The following EIF3A variants were observed in gnomAD, a reference collection of about 807,000 sequenced individuals.
EIF3A encodes EIF3, p180 subunit.
A neutral mutation model predicts 186.6 loss-of-function variants in EIF3A; 21 were observed. That is an observed-to-expected ratio of 0.11 (90% CI 0.08 to 0.16). EIF3A has a LOEUF of 0.16. Among genes scored for constraint, EIF3A ranks in the 10% least tolerant of loss-of-function variants. EIF3A has a pLI of 1.00. For missense variants in EIF3A, 1,306 were observed against 1,796.3 expected (o/e 0.73, Z 4.93); for synonymous variants, 563 against 584.3 (o/e 0.96, Z 0.52).
intron 1 of EIF3A, 83 bp from the exon 2 acceptor site, chr10:119,074,020 TC>T (rs1844118155): frequency 7.5e-6 from 9 of 1,202,434 alleles, no homozygotes; most frequent in Non-Finnish European, 1.0e-5. Flanking sequence ...CTATTTCAAT[TC>T]CCCAACTCAT....
intron 4 of EIF3A, among the ~76,000 whole-genome samples, chr10:119,072,427 A>AT (rs1844091186): frequency 9.0e-6 from 1 of 110,658 alleles, no homozygotes; most frequent in African/African-American, 3.0e-5. Context: ...TTACTCAGTC[A>AT]TTTTGGTTTT....
At chr10:119,052,411 G>A (rs1848371487) in intron 14 of EIF3A, among the ~76,000 whole-genome samples, 1 of 64,404 alleles carries the variant, frequency 1.6e-5, no homozygotes, top group South Asian at 4.1e-4. Context: ...TTAAGACAGG[G>A]TCTGTCTCTG....
At chr10:119,049,115 TCC>T (rs1267549461) in intron 17 of EIF3A, among the ~76,000 whole-genome samples, 1 of 151,950 alleles carries the variant, frequency 6.6e-6, no homozygotes, top group African/African-American at 2.4e-5. Flanking sequence ...GTATAATTCT[TCC>T]CCCCTTAGGT....
intron 6 of EIF3A, among the ~76,000 whole-genome samples, chr10:119,067,200 G>A (rs1843995168): frequency 2.0e-5 from 3 of 150,262 alleles, no homozygotes; most frequent in African/African-American, 7.4e-5. Flanking sequence ...TGGGCAACAA[G>A]AGCAAAATTC....
At chr10:119,056,616 C>G in intron 14 of EIF3A, 124 bp downstream of exon 14, 2 of 658,380 alleles carry the variant, frequency 3.0e-6, no homozygotes, top group South Asian at 4.0e-5. Flanking sequence ...TGTTCATAGG[C>G]AGCCATTAGA....
intron 12 of EIF3A, 112 bp downstream of exon 12, chr10:119,057,844 A>G: frequency 1.2e-6 from 1 of 804,542 alleles, no homozygotes; most frequent in Admixed American, 2.4e-5. Context: ...GACCAGCTGT[A>G]CCAAAATGCA....
Position 119,052,813 on chromosome 10 carries a change from G to C in EIF3A, c.2197-1492C>G, listed in dbSNP as rs76036590. On this transcript the variant is annotated intron_variant, in intron 14 of 21. Coordinates refer to ENST00000369144, the MANE Select transcript of EIF3A (RefSeq NM_003750.4). ...AAACTCTTTCTAATGCTGATATTTT[G>C]ACCTCCTCCCACGAATCACAAATGG... is the stretch of plus-strand genomic sequence containing the variant. Among the ~76,000 whole-genome samples, 1,181 of 152,170 alleles carry C rather than the reference G, an allele frequency of 7.8e-3. 21 individuals carry two copies. The highest frequency in any genetic ancestry group is 0.027 in the African/African-American group (1,138 of 41,524).
chr10:119,068,678 A>C (rs901170399), intron 6 of EIF3A, among the ~76,000 whole-genome samples: 1 of 151,312 alleles, frequency 6.6e-6, no homozygotes, highest in Non-Finnish European at 1.5e-5. Flanking sequence ...GAAAAAATAA[A>C]ATAAAATAAA....
intron 3 of EIF3A, 118 bp from the exon 4 acceptor site, chr10:119,073,171 A>G (rs562356521): frequency 6.6e-6 from 6 of 915,262 alleles, no homozygotes; most frequent in African/African-American, 1.7e-5. Flanking sequence ...ATATGTACAC[A>G]CTGCAAAGGT....
chr10:119,044,633 G>A (rs1848257767), intron 17 of EIF3A, among the ~76,000 whole-genome samples: 1 of 152,186 alleles, frequency 6.6e-6, no homozygotes, highest in Admixed American at 6.5e-5. Flanking sequence ...TGGATCACGA[G>A]GTCAGGAGAT....
chr10:119,061,418 T>C (rs1397890799), intron 7 of EIF3A, 90 bp from the exon 8 acceptor site: 1 of 559,002 alleles, frequency 1.8e-6, no homozygotes, highest in Non-Finnish European at 3.2e-6. Context: ...ATTGGAAATC[T>C]GGAAAATGAT....
intron 7 of EIF3A, among the ~76,000 whole-genome samples, chr10:119,064,218 T>C (rs1413666752): frequency 6.6e-6 from 1 of 152,218 alleles, no homozygotes; most frequent in Non-Finnish European, 1.5e-5. Flanking sequence ...GTCCATACTA[T>C]TTAGTAACAT....
chr10:119,050,577 T>A lies in EIF3A; in HGVS notation c.2417A>T (p.Tyr806Phe). 1.2e-6 allele frequency: 2 copies of A among 1,614,118 alleles called. No individual in the cohort carries two copies. Among genetic ancestry groups the A allele is most frequent in the Non-Finnish European group, 1.7e-6 (2 of 1,179,984 alleles). Residue 806 changes from tyrosine to phenylalanine, a missense_variant, in exon 16 of 22, where the codon TAC (tyrosine) becomes TTC (phenylalanine). Physicochemically the swap from Tyr to Phe is conservative, Grantham distance 22. Coordinates refer to ENST00000369144, the MANE Select transcript of EIF3A (RefSeq NM_003750.4). ...RQRKEERRIT[Y>F]YREKEEEEQR... ...CTCCTCCTCTTCTTTTTCTCTATAG[T>A]ATGTTATCCTGCGTTCTTCTTTACG...
At chr10:119,074,918 C>CAAAAAAA (rs1170284096) in intron 1 of EIF3A, among the ~76,000 whole-genome samples, 39 of 23,728 alleles carry the variant, frequency 1.6e-3, no homozygotes, top group East Asian at 6.0e-3. Context: ...AACTCCAACT[C>CAAAAAAA]AAAAAAAAAA....
At chr10:119,074,310 C>T (rs1037871341) in intron 1 of EIF3A, among the ~76,000 whole-genome samples, 1 of 151,928 alleles carries the variant, frequency 6.6e-6, no homozygotes, top group Non-Finnish European at 1.5e-5. Context: ...ACCAAAAATA[C>T]AAAAATTAGC....
chr10:119,061,730 T>C (rs956711991), intron 7 of EIF3A, among the ~76,000 whole-genome samples: 1 of 152,108 alleles, frequency 6.6e-6, no homozygotes, highest in Non-Finnish European at 1.5e-5. Flanking sequence ...AGCCCCAAAC[T>C]GGGGAGAATT....
At chr10:119,059,534 G>A in intron 10 of EIF3A, 68 bp downstream of exon 10, 1 of 1,386,258 alleles carries the variant, frequency 7.2e-7, no homozygotes, top group South Asian at 1.2e-5. Context: ...CAAAAGCTGA[G>A]AAACAGAAGG....
chr10:119,037,323 C>A lies in EIF3A; in HGVS notation c.3729-14G>T, dbSNP rs749425373. The A allele has an allele frequency of 1.2e-6, 2 of 1,612,694 alleles. No individual in the cohort carries two copies. Among genetic ancestry groups the A allele is most frequent in the East Asian group, 2.2e-5 (1 of 44,866 alleles). ...CCACCTTCATCCCTGTAGCCATTTA[C>A]AATGACAGGTCAGGTTCTTACTGTT... On this transcript the variant is annotated splice_polypyrimidine_tract_variant and intron_variant, in intron 20 of 21. Coordinates refer to ENST00000369144, the MANE Select transcript of EIF3A (RefSeq NM_003750.4).
chr10:119,051,419 C>T, intron 14 of EIF3A, 98 bp from the exon 15 acceptor site: 1 of 1,192,922 alleles, frequency 8.4e-7, no homozygotes, highest in Non-Finnish European at 1.1e-6. Flanking sequence ...GAAGCTGCTC[C>T]ACTGCCCCTT....
Sources: gnomAD v4.1 joint callset for allele counts (sites outside exome capture counted in the v4.1 genomes callset) on GRCh38, gnomAD v4.1.1 for gene constraint, MANE v1.5 for transcripts, NCBI Gene and HGNC (gene_info 2026-07-23, HGNC 2026-07-21) for gene names.